CTNND2: variants seen among roughly 807,000 people sequenced by gnomAD.
CTNND2 encodes the protein catenin delta 2.
CTNND2 carries 22 observed loss-of-function variants against 144.4 expected under a neutral mutation model. That is an observed-to-expected ratio of 0.15 (90% CI 0.11 to 0.22). The LOEUF (loss-of-function observed/expected upper bound fraction) is 0.22, where lower values mean the gene tolerates loss of function less well. CTNND2 is among the 10% of genes least tolerant of loss of function. CTNND2 has a pLI of 1.00. For missense variants in CTNND2, 1,353 were observed against 1,618.8 expected (o/e 0.84, Z 2.82); for synonymous variants, 751 against 695.6 (o/e 1.08, Z -1.25).
At chr5:11,668,934 G>A (rs538905941) in intron 2 of CTNND2, among the ~76,000 whole-genome samples, 96 of 152,220 alleles carry the variant, frequency 6.3e-4, no homozygotes, top group South Asian at 4.4e-3. Flanking sequence ...TTTGAGATAC[G>A]TTCCATCAAT....
chr5:11,677,489 A>T (rs1784228148), intron 2 of CTNND2, among the ~76,000 whole-genome samples: 1 of 152,198 alleles, frequency 6.6e-6, no homozygotes, highest in Non-Finnish European at 1.5e-5. Context: ...CTGGTTTTCC[A>T]GTAAGGTGAT....
At chr5:11,360,371 C>T (rs1309245059) in intron 8 of CTNND2, among the ~76,000 whole-genome samples, 1 of 152,016 alleles carries the variant, frequency 6.6e-6, no homozygotes, top group African/African-American at 2.4e-5. Flanking sequence ...ATCTCTCAGC[C>T]CTAGAATGGT....
chr5:11,523,335 C>A (rs997252818), intron 3 of CTNND2, among the ~76,000 whole-genome samples: 3 of 152,060 alleles, frequency 2.0e-5, no homozygotes, highest in Non-Finnish European at 4.4e-5. Context: ...TTAAAAACTT[C>A]ATATTTTTAA....
chr5:11,717,935 C>G (rs1395017883), intron 2 of CTNND2, among the ~76,000 whole-genome samples: 1 of 152,128 alleles, frequency 6.6e-6, no homozygotes, highest in African/African-American at 2.4e-5. Flanking sequence ...TTAATGCTAT[C>G]AACACCTTCT....
chr5:11,164,879 G>A (rs558742178), intron 11 of CTNND2, among the ~76,000 whole-genome samples: 5 of 152,216 alleles, frequency 3.3e-5, no homozygotes, highest in African/African-American at 9.6e-5. Flanking sequence ...AGGGTCCCAG[G>A]CATAAAATGA....
intron 16 of CTNND2, among the ~76,000 whole-genome samples, chr5:11,034,375 T>C (rs1743840709): frequency 6.6e-6 from 1 of 152,220 alleles, no homozygotes; most frequent in Non-Finnish European, 1.5e-5. Context: ...GTCGCTCTTC[T>C]TCACCTTAGG....
chr5:11,728,892 T>G (rs965603268), intron 2 of CTNND2, among the ~76,000 whole-genome samples: 3 of 152,116 alleles, frequency 2.0e-5, no homozygotes, highest in Non-Finnish European at 4.4e-5. Context: ...AGATAAAAAT[T>G]TTAAGAAACA....
At chr5:11,806,661 C>T (rs889730375) in intron 1 of CTNND2, among the ~76,000 whole-genome samples, 10 of 152,008 alleles carry the variant, frequency 6.6e-5, no homozygotes, top group Non-Finnish European at 1.2e-4. Flanking sequence ...GTTTTGGTTG[C>T]CCCATCTAAC....
chr5:11,477,926 A>G (rs1447480232), intron 3 of CTNND2, among the ~76,000 whole-genome samples: 1 of 152,212 alleles, frequency 6.6e-6, no homozygotes, highest in Non-Finnish European at 1.5e-5. Context: ...TTTAAGATCA[A>G]GCAAGCAAAT....
chr5:11,380,678 A>C (rs977819684), intron 7 of CTNND2, among the ~76,000 whole-genome samples: 6 of 152,182 alleles, frequency 3.9e-5, no homozygotes, highest in Non-Finnish European at 7.3e-5. Flanking sequence ...TCTGAATTGT[A>C]GTGTTTTCCC....
chr5:11,816,425 G>C (rs1208584340), intron 1 of CTNND2, among the ~76,000 whole-genome samples: 1 of 151,604 alleles, frequency 6.6e-6, no homozygotes, highest in Non-Finnish European at 1.5e-5. Flanking sequence ...CCAAGGCTGT[G>C]TGACCATGCA....
chr5:11,382,648 G>T (rs928731331), intron 7 of CTNND2, among the ~76,000 whole-genome samples: 2 of 131,144 alleles, frequency 1.5e-5, no homozygotes, highest in African/African-American at 3.1e-5. Context: ...TGTGTGTGTA[G>T]AATGATGAAT....
intron 2 of CTNND2, among the ~76,000 whole-genome samples, chr5:11,693,451 T>A (rs1421717817): frequency 1.3e-5 from 2 of 152,362 alleles, no homozygotes; most frequent in African/African-American, 4.8e-5. Context: ...GAATCACAGT[T>A]TTTTGTTTTT....
At position 11,384,282 on chromosome 5, in the gene CTNND2, C is replaced by T. The variant is rs544323960; in HGVS notation, c.1177+383G>A. ...ATGAAATGTAGACAACTAAAGGTGA[C>T]CCTGTCAATACTGCAACTGTTACTT... On this transcript the variant is annotated intron_variant, in intron 7 of 21. Transcript: ENST00000304623. The surrounding 1 kb of genome is among the most constrained non-coding windows in gnomAD (Gnocchi z 5.2). Among the ~76,000 whole-genome samples the T allele has an allele frequency of 1.3e-5, 2 of 152,290 alleles. No individual in the cohort carries two copies. The highest frequency in any genetic ancestry group is 3.9e-4 in the East Asian group (2 of 5,184).
chr5:11,237,058 C>A (rs1276199740), intron 9 of CTNND2, among the ~76,000 whole-genome samples: 1 of 149,848 alleles, frequency 6.7e-6, no homozygotes, highest in Non-Finnish European at 1.5e-5. Flanking sequence ...CTCACTCTGT[C>A]GCCCAGGCTG....
intron 14 of CTNND2, among the ~76,000 whole-genome samples, chr5:11,107,740 G>C (rs899163937): frequency 2.6e-5 from 4 of 152,242 alleles, no homozygotes; most frequent in African/African-American, 7.2e-5. Flanking sequence ...GATAAATGCA[G>C]CACTGTCATG....
chr5:11,038,998 C>T (rs893732053), intron 16 of CTNND2, among the ~76,000 whole-genome samples: 2 of 152,332 alleles, frequency 1.3e-5, no homozygotes, highest in Admixed American at 6.5e-5. Flanking sequence ...GTCATGGCAG[C>T]GTGCACATCA....
chr5:11,597,466 T>C (rs1172339127), intron 2 of CTNND2, among the ~76,000 whole-genome samples: 1 of 152,220 alleles, frequency 6.6e-6, no homozygotes, highest in African/African-American at 2.4e-5. Flanking sequence ...TTAAGGCTCA[T>C]TTAGCTCTAC....
chr5:11,315,226 T>TA (rs1430815189), intron 9 of CTNND2, among the ~76,000 whole-genome samples: 1 of 152,160 alleles, frequency 6.6e-6, no homozygotes, highest in Non-Finnish European at 1.5e-5. Flanking sequence ...GTGGAGCAGT[T>TA]AAAGGGGTAA....
Sources: gnomAD v4.1 joint callset for allele counts (sites outside exome capture counted in the v4.1 genomes callset) on GRCh38, gnomAD v4.1.1 for gene constraint, Gnocchi (gnomAD v3.1) non-coding constraint, MANE v1.5 for transcripts, NCBI Gene and HGNC (gene_info 2026-07-23, HGNC 2026-07-21) for gene names.